WDR33: variants seen among roughly 807,000 people sequenced by gnomAD.
The protein encoded by WDR33 is pre-mRNA 3' end processing protein WDR33.
In WDR33, 47 loss-of-function variants were observed where a neutral mutation model predicts 164.9. The ratio of observed to expected loss-of-function variants is 0.29; its 90% CI spans 0.23 to 0.36. The LOEUF is 0.36. WDR33 is among the 10% of genes least tolerant of loss of function. The probability of loss-of-function intolerance (pLI) is 1.00; values close to 1 mark genes in which losing one functional copy is unlikely to be tolerated. For missense variants in WDR33, 1,137 were observed against 1,754.1 expected, an observed-to-expected ratio of 0.65 and a Z score of 6.28; for synonymous variants, 505 against 589.0, an observed-to-expected ratio of 0.86 and a Z score of 2.06.
At chr2:127,772,211 C>T (rs1049933011) in intron 1 of WDR33, among the ~76,000 whole-genome samples, 6 of 151,946 alleles carry the variant, frequency 3.9e-5, no homozygotes, top group African/African-American at 1.4e-4. Context: ...CCGAGATGGG[C>T]GGATCACCGG....
chr2:127,744,683 A>T (rs189853059), intron 7 of WDR33, among the ~76,000 whole-genome samples: 1 of 152,330 alleles, frequency 6.6e-6, no homozygotes, highest in Non-Finnish European at 1.5e-5. Context: ...TAAAAGGCAG[A>T]AGTTCTCAAG....
chr2:127,717,159 G>A lies in WDR33; in HGVS notation c.2865C>T (p.Asn955=), dbSNP rs1275707261. The A allele has an allele frequency of 1.0e-5, 16 of 1,601,864 alleles. No individual in the cohort carries two copies. The highest frequency in any genetic ancestry group is 1.4e-5 in the Non-Finnish European group (16 of 1,173,198). The change falls in exon 17 of 22, where the codon AAC becomes AAT. Residue 955 remains asparagine, a synonymous_variant. Coordinates refer to ENST00000322313, the MANE Select transcript of WDR33 (RefSeq NM_018383.5). The surrounding 1 kb of genome is among the most constrained non-coding windows in gnomAD (Gnocchi z 5.6). The part of the protein sequence containing the change: ...PLNPGQGPGP[N]KGDSRGPPNH... ...TTCAGCTGAGCAGATATTTACCTTT[G>A]TTGGGGCCAGGTCCTTGTCCGGGGT...
chr2:127,754,281 C>A (rs976439040), intron 7 of WDR33, among the ~76,000 whole-genome samples: 1 of 152,150 alleles, frequency 6.6e-6, no homozygotes, highest in African/African-American at 2.4e-5. Flanking sequence ...ATAAAACTAA[C>A]GTTAATATTA....
rs1438286692 is a variant in WDR33 at position 127,763,116 on chromosome 2, C to T, written c.670G>A (p.Gly224Ser). ...AGAAAGTCCCAGATTCTAACAGTGC[C>T]GTCATCAGAGCATGTAGCAAATTTA... Reference protein sequence around the residue: ...DNKFATCSDDGTVRIWDFLRC... With the variant: ...DNKFATCSDDSTVRIWDFLRC... Residue 224 changes from glycine to serine, a missense_variant, in exon 7 of 22, where the codon GGC (glycine) becomes AGC (serine). Gly to Ser is a moderately conservative substitution (Grantham distance 56). This residue lies in a region of WDR33 where 83 missense variants were observed against 189.2 expected (regional missense o/e 0.44). Coordinates refer to ENST00000322313, the MANE Select transcript of WDR33 (RefSeq NM_018383.5). The surrounding 1 kb of genome is among the most constrained non-coding windows in gnomAD (Gnocchi z 4.5). 1.2e-6 allele frequency: 2 copies of T among 1,614,018 alleles called. No individual in the cohort carries two copies. The highest frequency in any genetic ancestry group is 1.1e-5 in the South Asian group (1 of 91,078).
In WDR33 at chr2:127,726,919, CTG is replaced by C. The variant is rs1158773431; in HGVS notation, c.725-144_725-143del. On this transcript the variant is annotated intron_variant, in intron 7 of 21. Coordinates refer to ENST00000322313, the MANE Select transcript of WDR33 (RefSeq NM_018383.5). This position sits in a 1 kb window ranked among gnomAD's most constrained non-coding sequence, Gnocchi z 4.8. ...TTGTTTTGTGAAGACTCTTTGGCCTCTGTGTGTCTGGAAATTTTTCAGATACA... is the reference window on the plus strand; with the variant it reads ...TTGTTTTGTGAAGACTCTTTGGCCTCTGTGTCTGGAAATTTTTCAGATACA... 37 of 1,059,522 alleles carry C rather than the reference CTG, an allele frequency of 3.5e-5. No homozygotes were observed. The highest frequency in any genetic ancestry group is 4.7e-5 in the Non-Finnish European group (35 of 745,956). The allele number at this position is 1,059,522 out of a possible 1,614,324, so 65.6% of individuals were successfully genotyped here.
chr2:127,805,502 A>G (rs1689403589), intron 1 of WDR33, among the ~76,000 whole-genome samples: 1 of 152,194 alleles, frequency 6.6e-6, no homozygotes, highest in Non-Finnish European at 1.5e-5. Context: ...GAAACAAAAT[A>G]CATGACATTT....
rs1444287429 is a variant in WDR33 at position 127,788,438 on chromosome 2, TC to T, written c.-23-17435del. Reference sequence around the variant, plus strand: ...GGGCGGAGGGCTGACCCCCCCCACCTCCCTCCCGGACGGGGCGGCTGGCCGG... The same window carrying T: ...GGGCGGAGGGCTGACCCCCCCCACCTCCTCCCGGACGGGGCGGCTGGCCGG... On this transcript the variant is annotated intron_variant, in intron 1 of 21. Coordinates refer to ENST00000322313, the MANE Select transcript of WDR33 (RefSeq NM_018383.5). Among the ~76,000 whole-genome samples the T allele has an allele frequency of 9.3e-5, 7 of 75,492 alleles. No individual in the cohort carries two copies. The East Asian group carries it at 2.7e-3, about 29-fold the overall frequency. The allele number at this position is 75,492 out of a possible 152,430, so 49.5% of individuals were successfully genotyped here. A position where few individuals can be genotyped will look rare whatever the true frequency, so the allele number is the denominator to read the frequency against.
Position 127,701,456 on chromosome 2 carries a change from G to C in WDR33, c.*4867C>G. Reference sequence around the variant, plus strand: ...CGCCGTCGCCGACCAATTGCCGCCCGAAGACCGAACCGCTTCAGCGGAGGG... The same window carrying C: ...CGCCGTCGCCGACCAATTGCCGCCCCAAGACCGAACCGCTTCAGCGGAGGG... On this transcript the variant is annotated 3_prime_UTR_variant, in exon 22 of 22. Coordinates refer to ENST00000322313, the MANE Select transcript of WDR33 (RefSeq NM_018383.5). The C allele has an allele frequency of 2.4e-6, 3 of 1,230,744 alleles. No homozygotes were observed. The highest frequency in any genetic ancestry group is 3.1e-6 in the Non-Finnish European group (3 of 982,504). The allele number at this position is 1,230,744 out of a possible 1,614,324, so 76.2% of individuals were successfully genotyped here.
intron 7 of WDR33, among the ~76,000 whole-genome samples, chr2:127,758,230 C>T (rs1687575885): frequency 6.6e-6 from 1 of 152,138 alleles, no homozygotes; most frequent in African/African-American, 2.4e-5. Flanking sequence ...CACCCTTCTC[C>T]CCCATACCAA....
rs1441381192 is a variant in WDR33, at chr2:127,705,452, A to T, written c.*871T>A. ...TTAAGTGTTGCAAAATTGTTTGAGG[A>T]CCTATTTTGGTCCATTCCTTATCAA... On this transcript the variant is annotated 3_prime_UTR_variant, in exon 22 of 22. Coordinates refer to ENST00000322313, the MANE Select transcript of WDR33 (RefSeq NM_018383.5). This position sits in a 1 kb window ranked among gnomAD's most constrained non-coding sequence, Gnocchi z 4.5. The T allele has an allele frequency of 6.6e-6, 1 of 152,190 alleles. No individual in the cohort carries two copies. The highest frequency in any genetic ancestry group is 1.9e-4 in the East Asian group (1 of 5,194). 9.4% of individuals were successfully genotyped at this position (152,190 alleles called of 1,614,324 possible).
At chr2:127,806,933 T>C (rs1689459819) in intron 1 of WDR33, among the ~76,000 whole-genome samples, 1 of 152,346 alleles carries the variant, frequency 6.6e-6, no homozygotes, top group African/African-American at 2.4e-5. Context: ...TGGTTAAATG[T>C]TGGTTAACAG....
chr2:127,731,294 CAAAAAAAAAAAA>C (rs35161101), intron 7 of WDR33, among the ~76,000 whole-genome samples: 5 of 70,332 alleles, frequency 7.1e-5, no homozygotes, highest in Non-Finnish European at 1.4e-4. Flanking sequence ...GACCCTGCCT[CAAAAAAAAAAAA>C]AAAAAAAAAA....
chr2:127,777,777 A>C (rs1214173487), intron 1 of WDR33, among the ~76,000 whole-genome samples: 1 of 152,044 alleles, frequency 6.6e-6, no homozygotes, highest in Non-Finnish European at 1.5e-5. Flanking sequence ...GGGCTCAGCT[A>C]ATTTTTTTCA....
In WDR33 at chr2:127,701,491, A is replaced by G; in HGVS notation, c.*4832T>C. On this transcript the variant is annotated 3_prime_UTR_variant, in exon 22 of 22. Transcript: ENST00000322313. ...CCGCTTCAGCGGAGGGCCGGAAGTGAGCCGCAGCTTTTCCTTTCTGCCACC... is the reference window on the plus strand; with the variant it reads ...CCGCTTCAGCGGAGGGCCGGAAGTGGGCCGCAGCTTTTCCTTTCTGCCACC... 7.9e-7 allele frequency: 1 copy of G among 1,271,732 alleles called. No homozygotes were observed. Among genetic ancestry groups the G allele is most frequent in the South Asian group, 2.8e-5 (1 of 36,204 alleles). The allele number at this position is 1,271,732 out of a possible 1,614,324, so 78.8% of individuals were successfully genotyped here. A position where few individuals can be genotyped will look rare whatever the true frequency, so the allele number is the denominator to read the frequency against.
chr2:127,735,411 G>A lies in WDR33; in HGVS notation c.725-8634C>T. ...CAATACATAATAAGTTTTATTTGAA[G>A]GTCAGAAATGGTGTCCATGTTCCCA... On this transcript the variant is annotated intron_variant, in intron 7 of 21. Coordinates refer to ENST00000322313, the MANE Select transcript of WDR33 (RefSeq NM_018383.5). This position sits in a 1 kb window ranked among gnomAD's most constrained non-coding sequence, Gnocchi z 4.3. The A allele has an allele frequency of 1.0e-6, 1 of 985,692 alleles. No individual in the cohort carries two copies. Among genetic ancestry groups the A allele is most frequent in the Non-Finnish European group, 1.2e-6 (1 of 829,868 alleles). The allele number at this position is 985,692 out of a possible 1,614,324, so 61.1% of individuals were successfully genotyped here.
Position 127,706,355 on chromosome 2 carries a change from C to T in WDR33, c.3979G>A (p.Gly1327Arg). ...CCCCTTCCACCACCCCGTGAAGCTC[C>T]TCGCCTCGGCGGGCCAGAGTTCATG... ...SNMNSGPPRR[G>R]ASRGGGRGR The change falls in exon 22 of 22, where the codon GGA becomes AGA. Residue 1327 changes from glycine to arginine, a missense_variant. Around this residue, in one of 9 missense-constraint regions of WDR33, gnomAD observed 867 missense variants for 1,073.0 expected, o/e 0.81. Coordinates refer to ENST00000322313, the MANE Select transcript of WDR33 (RefSeq NM_018383.5). This position sits in a 1 kb window ranked among gnomAD's most constrained non-coding sequence, Gnocchi z 5.1. The T allele has an allele frequency of 3.8e-6, 6 of 1,594,762 alleles. No homozygotes were observed. Among genetic ancestry groups the T allele is most frequent in the Non-Finnish European group, 5.1e-6 (6 of 1,169,986 alleles).
At position 127,708,842 on chromosome 2, in the gene WDR33, G is replaced by A. The variant is rs1234060863; in HGVS notation, c.3616C>T (p.His1206Tyr). The change falls in exon 21 of 22, where the codon CAC (histidine) becomes TAC (tyrosine). Residue 1206 changes from histidine to tyrosine, a missense_variant. His to Tyr is a moderately conservative substitution (Grantham distance 83). This residue lies in a region of WDR33 where 867 missense variants were observed against 1,073.0 expected (regional missense o/e 0.81). Transcript: ENST00000322313. This position sits in a 1 kb window ranked among gnomAD's most constrained non-coding sequence, Gnocchi z 6.7. ...CTGCTGGCTGGGGAATGACCGTCGT[G>A]AGGGGGATGATCAGGGCGGGGAGTA... ...RDTPRPDHPPHDGHSPASRER... is the reference protein window; with the variant it reads ...RDTPRPDHPPYDGHSPASRER... The A allele has an allele frequency of 6.2e-7, 1 of 1,610,788 alleles. No individual in the cohort carries two copies. The highest frequency in any genetic ancestry group is 8.5e-7 in the Non-Finnish European group (1 of 1,177,866).
intron 1 of WDR33, among the ~76,000 whole-genome samples, chr2:127,802,112 G>A (rs934907676): frequency 6.6e-6 from 1 of 151,312 alleles, no homozygotes; most frequent in African/African-American, 2.4e-5. Context: ...ACCCAGGAGT[G>A]AGCTGAGATC....
rs958506611 is a variant in WDR33 at position 127,726,825 on chromosome 2, A to C, written c.725-48T>G. ...AAAACCTAATTAGTTACATGCATTT[A>C]AAGCAATTTAAACCAAAGTAGAGAA... On this transcript the variant is annotated intron_variant, in intron 7 of 21. Transcript: ENST00000322313. This position sits in a 1 kb window ranked among gnomAD's most constrained non-coding sequence, Gnocchi z 4.8. The C allele has an allele frequency of 6.2e-7, 1 of 1,605,028 alleles. No homozygotes were observed. Among genetic ancestry groups the C allele is most frequent in the African/African-American group, 1.3e-5 (1 of 74,548 alleles).
Sources: gnomAD v4.1 joint callset for allele counts (sites outside exome capture counted in the v4.1 genomes callset) on GRCh38, gnomAD v4.1.1 for gene constraint, gnomAD v4.1.1 regional missense constraint, Gnocchi (gnomAD v3.1) non-coding constraint, MANE v1.5 for transcripts, NCBI Gene and HGNC (gene_info 2026-07-23, HGNC 2026-07-21) for gene names.